Variants in ADAMTS17 observed in about 807,000 individuals in gnomAD.
The protein encoded by ADAMTS17 is ADAM metallopeptidase with thrombospondin type 1 motif 17.
In ADAMTS17, 113 loss-of-function variants were observed where a neutral mutation model predicts 141.5. That is an observed-to-expected ratio of 0.80 (90% CI 0.69 to 0.93). The LOEUF (loss-of-function observed/expected upper bound fraction) is 0.93. ADAMTS17 is among the 40% of genes least tolerant of loss of function. The probability of loss-of-function intolerance (pLI) is 0.00; values close to 1 mark genes in which losing one functional copy is unlikely to be tolerated. For missense variants in ADAMTS17, 1,659 were observed against 1,517.9 expected, an observed-to-expected ratio of 1.09 and a Z score of -1.54; for synonymous variants, 768 against 630.6, an observed-to-expected ratio of 1.22 and a Z score of -3.27.
rs756246492 is a variant in ADAMTS17 at position 100,199,363 on chromosome 15, T to C, written c.1136A>G (p.Asn379Ser). The C allele has an allele frequency of 2.2e-5, 35 of 1,614,096 alleles. No individual in the cohort carries two copies. The highest frequency in any genetic ancestry group is 1.6e-4 in the Middle Eastern group (1 of 6,084). Residue 379 changes from asparagine to serine, a missense_variant, in exon 8 of 22, where the codon AAT becomes AGT. By Grantham distance (46) the Asn-to-Ser change is conservative (BLOSUM62 1). Transcript: ENST00000268070. ...GATGGTAAAGGCCAAATTGAGACCA[T>C]TGTCTTCGGCAAGCACACACTTCCT... ...AKRKCVLAED[N>S]GLNLAFTIAH... is the part of the protein sequence containing the mutation.
intron 15 of ADAMTS17, among the ~76,000 whole-genome samples, chr15:100,083,211 A>T (rs2034869929): frequency 6.6e-6 from 1 of 152,282 alleles, no homozygotes; most frequent in African/African-American, 2.4e-5. Flanking sequence ...TGACTGTGGC[A>T]GCCTGTGAAC....
rs117759755 is a variant in ADAMTS17 at position 100,123,377 on chromosome 15, T to C, written c.1722-6364A>G. The stretch of plus-strand genomic sequence containing the variant: ...AACAGTTAATATAAGAGATTCGTGA[T>C]AGAGTTATCCCTTCCCAGGAGCTGA... On this transcript the variant is annotated intron_variant, in intron 12 of 21. Transcript: ENST00000268070. Among the ~76,000 whole-genome samples the C allele has an allele frequency of 3.3e-5, 5 of 152,296 alleles. No homozygotes were observed. In the East Asian group the frequency reaches 7.8e-4, roughly 24 times the overall value.
intron 15 of ADAMTS17, among the ~76,000 whole-genome samples, chr15:100,095,510 A>G (rs563238627): frequency 9.9e-4 from 151 of 152,204 alleles, no homozygotes; most frequent in Non-Finnish European, 1.9e-3. Context: ...ATGAACTGAG[A>G]AGCTTCTATG....
At chr15:100,175,777 G>A (rs2040317058) in intron 8 of ADAMTS17, among the ~76,000 whole-genome samples, 1 of 151,594 alleles carries the variant, frequency 6.6e-6, no homozygotes, top group Non-Finnish European at 1.5e-5. Flanking sequence ...TGTGTGAACG[G>A]TGCCCCCGAG....
In ADAMTS17 at chr15:100,235,112, C is replaced by T. The variant is rs143554078; in HGVS notation, c.1075+19024G>A. 8.1e-3 allele frequency among the ~76,000 whole-genome samples: 1,231 copies of T among 152,234 alleles called. 3 individuals carry two copies. The highest frequency in any genetic ancestry group is 0.015 in the African/African-American group (627 of 41,522). ...AGCGATTCGAGAACAGGAAGGCAGA[C>T]GCGGGCCCACGATGAGATAGGATGC... On this transcript the variant is annotated intron_variant, in intron 7 of 21. Coordinates refer to ENST00000268070, the MANE Select transcript of ADAMTS17 (RefSeq NM_139057.4).
chr15:100,300,320 T>C (rs1210396202), intron 3 of ADAMTS17, among the ~76,000 whole-genome samples: 1 of 152,170 alleles, frequency 6.6e-6, no homozygotes, highest in Non-Finnish European at 1.5e-5. Context: ...ATTTCCCTTT[T>C]GGCCTAGACC....
At chr15:100,258,885 T>C (rs2043421450) in intron 6 of ADAMTS17, among the ~76,000 whole-genome samples, 1 of 152,188 alleles carries the variant, frequency 6.6e-6, no homozygotes, top group African/African-American at 2.4e-5. Flanking sequence ...ACTGCTGATG[T>C]CTCCTTGTAA....
chr15:100,265,763 C>A (rs1164703872), intron 4 of ADAMTS17, among the ~76,000 whole-genome samples: 1 of 152,216 alleles, frequency 6.6e-6, no homozygotes, highest in Non-Finnish European at 1.5e-5. Context: ...ATTAAGACCC[C>A]CAAACAGGAG....
intron 7 of ADAMTS17, among the ~76,000 whole-genome samples, chr15:100,241,798 T>C (rs1012839771): frequency 2.6e-5 from 4 of 152,200 alleles, no homozygotes; most frequent in Non-Finnish European, 5.9e-5. Context: ...CTTTTCTATA[T>C]GTCAATCAAG....
At chr15:100,048,518 T>C (rs1353012364) in intron 18 of ADAMTS17, among the ~76,000 whole-genome samples, 1 of 151,810 alleles carries the variant, frequency 6.6e-6, no homozygotes, top group South Asian at 2.1e-4. Context: ...CAGACTCCAA[T>C]ATTTGTTTCC....
chr15:100,193,787 A>G (rs2041010292), intron 8 of ADAMTS17, among the ~76,000 whole-genome samples: 1 of 152,164 alleles, frequency 6.6e-6, no homozygotes, highest in African/African-American at 2.4e-5. Context: ...GGAGAGGTCA[A>G]CTCCAGAATG....
At chr15:100,080,629 G>A (rs972754397) in intron 15 of ADAMTS17, among the ~76,000 whole-genome samples, 4 of 152,124 alleles carry the variant, frequency 2.6e-5, no homozygotes, top group Admixed American at 1.3e-4. Context: ...GGTAGTTATC[G>A]ATACCAGCTA....
Position 99,972,316 on chromosome 15 carries a change from C to G in ADAMTS17, c.*2086G>C, listed in dbSNP as rs2060228043. The G allele has an allele frequency of 6.6e-6, 1 of 152,294 alleles. No homozygotes were observed. Among genetic ancestry groups the G allele is most frequent in the African/African-American group, 2.4e-5 (1 of 41,564 alleles). 9.4% of individuals were successfully genotyped at this position (152,294 alleles called of 1,614,324 possible). A position where few individuals can be genotyped will look rare whatever the true frequency, so the allele number is the denominator to read the frequency against. On this transcript the variant is annotated 3_prime_UTR_variant, in exon 22 of 22. Transcript: ENST00000268070. ...TCTGCAGATGCAGACTTTAGGGGAACTAATGGGGGTATCTGACAATAACCC... is the reference window on the plus strand; with the variant it reads ...TCTGCAGATGCAGACTTTAGGGGAAGTAATGGGGGTATCTGACAATAACCC...
In ADAMTS17 at chr15:100,164,460, T is replaced by C. The variant is rs77107779; in HGVS notation, c.1182-9140A>G. On this transcript the variant is annotated intron_variant, in intron 8 of 21. Transcript: ENST00000268070. Reference sequence around the variant, plus strand: ...GCATGCCAGATCCTGTTCTAGGCACTGAGAATACAGAGTTTACATTCTCTA... The same window carrying C: ...GCATGCCAGATCCTGTTCTAGGCACCGAGAATACAGAGTTTACATTCTCTA... Among the ~76,000 whole-genome samples the C allele has an allele frequency of 0.017, 2,594 of 152,298 alleles. 126 individuals carry two copies. In the East Asian group the frequency reaches 0.17, roughly 10 times the overall value.
chr15:100,334,660 G>A (rs927811295), intron 2 of ADAMTS17, among the ~76,000 whole-genome samples: 4 of 152,160 alleles, frequency 2.6e-5, no homozygotes, highest in South Asian at 4.1e-4. Context: ...ACGGCCACGC[G>A]GGGCTTCCCA....
chr15:100,091,673 A>G (rs940812408), intron 15 of ADAMTS17, among the ~76,000 whole-genome samples: 1 of 152,170 alleles, frequency 6.6e-6, no homozygotes, highest in Non-Finnish European at 1.5e-5. Context: ...TGTTTTCAGG[A>G]GCATTAACCA....
intron 15 of ADAMTS17, among the ~76,000 whole-genome samples, chr15:100,072,666 C>T (rs1285411240): frequency 6.6e-6 from 1 of 152,178 alleles, no homozygotes; most frequent in African/African-American, 2.4e-5. Context: ...AAAGGATTCC[C>T]TATTTAATAA....
chr15:100,290,437 G>A (rs1424065992), intron 3 of ADAMTS17, among the ~76,000 whole-genome samples: 2 of 152,158 alleles, frequency 1.3e-5, no homozygotes, highest in African/African-American at 4.8e-5. Context: ...AGTGTCCAAA[G>A]CAATTTATAG....
chr15:100,139,995 GT>G (rs776263095), intron 10 of ADAMTS17, among the ~76,000 whole-genome samples: 72 of 151,696 alleles, frequency 4.7e-4, no homozygotes, highest in Non-Finnish European at 9.7e-4. Context: ...TTTTATTTTT[GT>G]TTTTTATTTT....
Sources: gnomAD v4.1 joint callset for allele counts (sites outside exome capture counted in the v4.1 genomes callset) on GRCh38, gnomAD v4.1.1 for gene constraint, MANE v1.5 for transcripts, NCBI Gene and HGNC (gene_info 2026-07-23, HGNC 2026-07-21) for gene names.